Variants in SEMA3A observed in about 807,000 individuals in gnomAD.
The protein encoded by SEMA3A is semaphorin-3A.
SEMA3A carries 29 observed loss-of-function variants against 97.9 expected under a neutral mutation model. The ratio of observed to expected loss-of-function variants is 0.30; its 90% confidence interval spans 0.22 to 0.40. SEMA3A has a LOEUF of 0.40. Among genes scored for constraint, SEMA3A ranks in the 10% least tolerant of loss-of-function variants. SEMA3A has a pLI of 1.00. For missense variants in SEMA3A, 763 were observed against 951.3 expected (o/e 0.80, Z 2.60); for synonymous variants, 321 against 323.7 (o/e 0.99, Z 0.09).
chr7:84,228,890 C>T (rs1331351475), intron 3 of SEMA3A, among the ~76,000 whole-genome samples: 1 of 152,054 alleles, frequency 6.6e-6, no homozygotes, highest in African/African-American at 2.4e-5. Flanking sequence ...CTCATTATCC[C>T]TTGAAATTTC....
At chr7:84,038,263 C>T (rs1792013045) in intron 6 of SEMA3A, among the ~76,000 whole-genome samples, 1 of 152,074 alleles carries the variant, frequency 6.6e-6, no homozygotes, top group South Asian at 2.1e-4. Context: ...TTCCCTACGC[C>T]ACTTTGATTG....
chr7:84,226,376 A>T (rs543728930), intron 3 of SEMA3A, among the ~76,000 whole-genome samples: 231 of 152,236 alleles, frequency 1.5e-3, no homozygotes, highest in Admixed American at 6.1e-3. Flanking sequence ...AAAAAAACAG[A>T]GGCTTAGAGA....
chr7:84,296,134 G>C (rs1391605707), intron 3 of SEMA3A, among the ~76,000 whole-genome samples: 1 of 152,060 alleles, frequency 6.6e-6, no homozygotes, highest in Non-Finnish European at 1.5e-5. Context: ...TAAGAAACAA[G>C]TATATTCCCA....
chr7:84,055,225 G>A (rs1209930552), intron 5 of SEMA3A, among the ~76,000 whole-genome samples: 2 of 152,206 alleles, frequency 1.3e-5, no homozygotes, highest in Admixed American at 1.3e-4. Flanking sequence ...GCTGTGGTGG[G>A]CTCCACCCAG....
chr7:84,052,454 C>T (rs999065482), intron 5 of SEMA3A, among the ~76,000 whole-genome samples: 11 of 152,050 alleles, frequency 7.2e-5, no homozygotes, highest in Non-Finnish European at 1.2e-4. Context: ...GTGTATGTGT[C>T]GAGGAATTTA....
rs536750535 is a variant in SEMA3A at position 84,150,594 on chromosome 7, T to C, written c.113-15643A>G. ...GCACCTGGCTCAGAGGGTCCTACCC[T>C]ATGGAGTCTCGCTGATTGCTAGCAC... On this transcript the variant is annotated intron_variant, in intron 1 of 16. Transcript: ENST00000265362. 1.2e-3 allele frequency among the ~76,000 whole-genome samples: 189 copies of C among 152,142 alleles called. 1 individual carries two copies. The East Asian group carries it at 0.013, about 10-fold the overall frequency.
intron 15 of SEMA3A, among the ~76,000 whole-genome samples, chr7:83,969,768 T>C (rs1368046164): frequency 6.6e-6 from 1 of 152,178 alleles, no homozygotes; most frequent in East Asian, 1.9e-4. Context: ...TGGGAGATAA[T>C]GATGACTAAT....
At chr7:84,110,055 G>C (rs1248140503) in intron 4 of SEMA3A, among the ~76,000 whole-genome samples, 8 of 152,114 alleles carry the variant, frequency 5.3e-5, no homozygotes, top group Non-Finnish European at 1.2e-4. Flanking sequence ...TCAGATCATT[G>C]TGCAAATGTA....
intron 3 of SEMA3A, among the ~76,000 whole-genome samples, chr7:84,251,705 G>A (rs147799781): frequency 6.6e-6 from 1 of 152,244 alleles, no homozygotes; most frequent in East Asian, 1.9e-4. Context: ...CTCCTAAGCA[G>A]CAAAAGCCGT....
chr7:84,370,708 A>G (rs1394328943), intron 2 of SEMA3A, among the ~76,000 whole-genome samples: 1 of 151,648 alleles, frequency 6.6e-6, no homozygotes, highest in Non-Finnish European at 1.5e-5. Context: ...GTATATTTTT[A>G]TTCTCATTTT....
At chr7:84,322,952 T>C (rs753285056) in intron 2 of SEMA3A, among the ~76,000 whole-genome samples, 29 of 150,918 alleles carry the variant, frequency 1.9e-4, no homozygotes, top group Admixed American at 9.2e-4. Context: ...ACTGCCTAGA[T>C]TGGAAACTTG....
At chr7:83,985,079 A>G (rs1789571962) in intron 13 of SEMA3A, among the ~76,000 whole-genome samples, 1 of 152,120 alleles carries the variant, frequency 6.6e-6, no homozygotes, top group Non-Finnish European at 1.5e-5. Context: ...AAATATCACA[A>G]TGCTATTTCA....
At chr7:83,975,471 CA>C (rs1276630693) in intron 15 of SEMA3A, among the ~76,000 whole-genome samples, 1 of 151,590 alleles carries the variant, frequency 6.6e-6, no homozygotes, top group Admixed American at 6.6e-5. Context: ...GTATTTTTTA[CA>C]AAAATCAAAA....
At chr7:84,077,913 TG>T (rs1794009403) in intron 4 of SEMA3A, among the ~76,000 whole-genome samples, 1 of 151,896 alleles carries the variant, frequency 6.6e-6, no homozygotes. Context: ...TAATGCCAGT[TG>T]GGGGGAATGG....
intron 1 of SEMA3A, among the ~76,000 whole-genome samples, chr7:84,411,862 C>A (rs1804277938): frequency 6.6e-6 from 1 of 151,992 alleles, no homozygotes; most frequent in African/African-American, 2.4e-5. Flanking sequence ...TTAAATAAAA[C>A]TTGTAAAATT....
chr7:84,479,826 A>C (rs1217593430), intron 1 of SEMA3A, among the ~76,000 whole-genome samples: 2 of 152,202 alleles, frequency 1.3e-5, no homozygotes, highest in African/African-American at 4.8e-5. Context: ...GAAGCTCAAT[A>C]GTTAGGAATA....
At chr7:84,322,404 C>G (rs1460779115) in intron 2 of SEMA3A, among the ~76,000 whole-genome samples, 1 of 152,002 alleles carries the variant, frequency 6.6e-6, no homozygotes, top group Admixed American at 6.5e-5. Flanking sequence ...TTGGCTATGT[C>G]CCCAACCAAA....
intron 12 of SEMA3A, among the ~76,000 whole-genome samples, chr7:84,001,068 T>TG: frequency 1.2e-5 from 1 of 81,906 alleles, no homozygotes; most frequent in East Asian, 2.3e-4. Flanking sequence ...TTCTAATACG[T>TG]GTTTTTTTTT....
At chr7:84,010,306 T>A (rs1011837632) in intron 9 of SEMA3A, among the ~76,000 whole-genome samples, 11 of 152,190 alleles carry the variant, frequency 7.2e-5, no homozygotes, top group Admixed American at 1.3e-4. Context: ...ATTAATAATT[T>A]TTTAAATTAC....
Sources: gnomAD v4.1 joint callset for allele counts (sites outside exome capture counted in the v4.1 genomes callset) on GRCh38, gnomAD v4.1.1 for gene constraint, MANE v1.5 for transcripts, NCBI Gene and HGNC (gene_info 2026-07-23, HGNC 2026-07-21) for gene names.